The following MAML3 variants were observed in gnomAD, a reference collection of about 807,000 sequenced individuals.
MAML3 encodes the protein mastermind-like protein 3.
A neutral mutation model predicts 101.9 loss-of-function variants in MAML3; 27 were observed. The ratio of observed to expected loss-of-function variants is 0.27; its 90% CI spans 0.20 to 0.37. The LOEUF is 0.37. Ranked by LOEUF, MAML3 falls within the 10% of genes least tolerant of loss-of-function variation. The probability of loss-of-function intolerance (pLI) is 1.00; values close to 1 mark genes in which losing one functional copy is unlikely to be tolerated. For synonymous variants in MAML3, 501 were observed against 555.9 expected, an observed-to-expected ratio of 0.90 and a Z score of 1.39; for missense variants, 1,316 against 1,444.9, an observed-to-expected ratio of 0.91 and a Z score of 1.45.
intron 2 of MAML3, among the ~76,000 whole-genome samples, chr4:139,771,943 T>TA (rs11379203): frequency 0.34 from 46,732 of 138,160 alleles, 7,963 homozygotes; most frequent in East Asian, 0.53. Flanking sequence ...CTACTTAAAG[T>TA]AAAAAAAAAA....
chr4:139,748,426 T>C (rs1277840186), intron 2 of MAML3, among the ~76,000 whole-genome samples: 4 of 152,146 alleles, frequency 2.6e-5, no homozygotes, highest in Non-Finnish European at 5.9e-5. Flanking sequence ...GAGCTCAGAT[T>C]GAGAACCAAC....
chr4:140,042,765 G>A (rs1376702533), intron 1 of MAML3, among the ~76,000 whole-genome samples: 1 of 152,150 alleles, frequency 6.6e-6, no homozygotes, highest in Non-Finnish European at 1.5e-5. Flanking sequence ...AATGCATAAG[G>A]GACTGCGGAG....
At chr4:139,840,731 A>G (rs545858774) in intron 2 of MAML3, among the ~76,000 whole-genome samples, 1 of 152,312 alleles carries the variant, frequency 6.6e-6, no homozygotes, top group African/African-American at 2.4e-5. Context: ...AGGGCGTGAG[A>G]TATGTCAGCA....
intron 1 of MAML3, among the ~76,000 whole-genome samples, chr4:140,097,272 ATCT>A (rs1264942327): frequency 3.3e-5 from 5 of 152,166 alleles, no homozygotes; most frequent in Non-Finnish European, 5.9e-5. Context: ...GGAAATGATA[ATCT>A]TCTTTTGGTC....
chr4:139,776,318 T>A (rs1730095762), intron 2 of MAML3, among the ~76,000 whole-genome samples: 1 of 152,138 alleles, frequency 6.6e-6, no homozygotes, highest in South Asian at 2.1e-4. Context: ...AAATTTGAGA[T>A]CTGATTATGT....
At chr4:139,896,263 A>T (rs1394324189) in intron 1 of MAML3, among the ~76,000 whole-genome samples, 23 of 152,190 alleles carry the variant, frequency 1.5e-4, no homozygotes, top group Admixed American at 1.4e-3. Flanking sequence ...GACTCAGGGC[A>T]GAGTCTCATC....
At chr4:140,054,368 CAAAA>C in intron 1 of MAML3, among the ~76,000 whole-genome samples, 1 of 69,024 alleles carries the variant, frequency 1.4e-5, no homozygotes, top group Admixed American at 1.6e-4. Context: ...GACTCCGTCT[CAAAA>C]AAAAAAAAAA....
chr4:140,103,658 A>G (rs1292713455), intron 1 of MAML3, among the ~76,000 whole-genome samples: 6 of 152,244 alleles, frequency 3.9e-5, no homozygotes, highest in African/African-American at 1.4e-4. Flanking sequence ...TTTTTAAAAG[A>G]CAGGAAAAAT....
chr4:139,955,341 A>G (rs1375198572), intron 1 of MAML3, among the ~76,000 whole-genome samples: 2 of 151,626 alleles, frequency 1.3e-5, no homozygotes, highest in Non-Finnish European at 2.9e-5. Flanking sequence ...TTTTTAATCT[A>G]AAAGTTTCTC....
At chr4:139,772,255 A>G (rs2111069328) in intron 2 of MAML3, among the ~76,000 whole-genome samples, 1 of 150,266 alleles carries the variant, frequency 6.7e-6, no homozygotes, top group South Asian at 2.1e-4. Flanking sequence ...AAAAAAAAAA[A>G]AAAAAAAAAA....
At chr4:140,035,778 G>A (rs371817591) in intron 1 of MAML3, among the ~76,000 whole-genome samples, 16 of 130,252 alleles carry the variant, frequency 1.2e-4, no homozygotes, top group South Asian at 2.3e-4. Context: ...GCGAGACTCC[G>A]TCTCAAAAAA....
chr4:139,993,255 G>A (rs1381494522), intron 1 of MAML3, among the ~76,000 whole-genome samples: 1 of 151,630 alleles, frequency 6.6e-6, no homozygotes, highest in African/African-American at 2.4e-5. Flanking sequence ...GGGAGGCTGA[G>A]GCAGGAGAAT....
chr4:139,951,676 T>C (rs542373528), intron 1 of MAML3, among the ~76,000 whole-genome samples: 1 of 152,102 alleles, frequency 6.6e-6, no homozygotes, highest in African/African-American at 2.4e-5. Context: ...CTCTGTGAAC[T>C]GCTCTCTCCA....
At position 139,915,573 on chromosome 4, in the gene MAML3, G is replaced by A. The variant is rs150418449; in HGVS notation, c.469-24606C>T. On this transcript the variant is annotated intron_variant, in intron 1 of 4. Coordinates refer to ENST00000509479, the MANE Select transcript of MAML3 (RefSeq NM_018717.5). ...TCTCAGAAATGTCCGTGTAGGCTAC[G>A]ATTGAGATCTACTAATGGCTAAGTT... is the stretch of plus-strand genomic sequence containing the variant. Among the ~76,000 whole-genome samples the A allele has an allele frequency of 5.3e-3, 804 of 152,244 alleles. 3 individuals carry two copies. Among genetic ancestry groups the A allele is most frequent in the Middle Eastern group, 0.014 (4 of 294 alleles).
At chr4:139,873,617 G>A (rs911530386) in intron 2 of MAML3, among the ~76,000 whole-genome samples, 2 of 152,166 alleles carry the variant, frequency 1.3e-5, no homozygotes, top group African/African-American at 4.8e-5. Flanking sequence ...GGTCTCTCTT[G>A]AAGCTGACTC....
intron 2 of MAML3, among the ~76,000 whole-genome samples, chr4:139,874,446 G>T (rs1234176398): frequency 6.6e-6 from 1 of 151,942 alleles, no homozygotes; most frequent in African/African-American, 2.4e-5. Flanking sequence ...TTTTAAAAGA[G>T]AACAGTAATA....
rs116842621 is a variant in MAML3 at position 139,800,171 on chromosome 4, C to T, written c.2080-69504G>A. Reference sequence around the variant, plus strand: ...AACTCATACTTAGAAAAAAATGTTACGTGCATCAACCGAAGTAAATATTCT... The same window carrying T: ...AACTCATACTTAGAAAAAAATGTTATGTGCATCAACCGAAGTAAATATTCT... On this transcript the variant is annotated intron_variant, in intron 2 of 4. Coordinates refer to ENST00000509479, the MANE Select transcript of MAML3 (RefSeq NM_018717.5). Among the ~76,000 whole-genome samples, 87 of 152,128 alleles carry T rather than the reference C, an allele frequency of 5.7e-4. No individual in the cohort carries two copies. The East Asian group carries it at 0.015, about 26-fold the overall frequency.
chr4:139,860,088 T>G (rs1731745467), intron 2 of MAML3, among the ~76,000 whole-genome samples: 8 of 152,134 alleles, frequency 5.3e-5, no homozygotes, highest in Admixed American at 5.2e-4. Context: ...CTAAATGTTA[T>G]CAGGAGGATT....
At chr4:140,031,612 T>C (rs566849041) in intron 1 of MAML3, among the ~76,000 whole-genome samples, 1 of 152,360 alleles carries the variant, frequency 6.6e-6, no homozygotes, top group Admixed American at 6.5e-5. Context: ...TATACAAAGA[T>C]CTTCAATGAC....
Sources: allele counts gnomAD v4.1 joint callset (sites outside exome capture counted in the v4.1 genomes callset), GRCh38; gene constraint gnomAD v4.1.1; transcripts MANE v1.5; gene names NCBI Gene and HGNC (gene_info 2026-07-23, HGNC 2026-07-21).